TCF3: variants seen among roughly 807,000 people sequenced by gnomAD.
TCF3 encodes the protein transcription factor E2-alpha.
Under a neutral mutation model 72.3 loss-of-function variants are expected in TCF3, and 54 were observed. The observed-to-expected ratio is 0.75, with a 90% CI of 0.60 to 0.94. The LOEUF (loss-of-function observed/expected upper bound fraction) is 0.94. Among genes scored for constraint, TCF3 ranks in the 40% least tolerant of loss-of-function variants. TCF3 has a pLI of 0.00. For synonymous variants in TCF3, 525 were observed against 412.6 expected (o/e 1.27, Z -3.30); for missense variants, 1,078 against 934.4 (o/e 1.15, Z -2.00).
At chr19:1,631,000 C>A (rs1475211769) in intron 5 of TCF3, among the ~76,000 whole-genome samples, 2 of 152,260 alleles carry the variant, frequency 1.3e-5, no homozygotes, top group Non-Finnish European at 2.9e-5. Context: ...CAGCCGCAGA[C>A]CCCCGGCCAG....
chr19:1,630,037 G>A (rs906096265), intron 5 of TCF3, among the ~76,000 whole-genome samples: 3 of 152,150 alleles, frequency 2.0e-5, no homozygotes, highest in Admixed American at 6.5e-5. Context: ...CGGGACCCCC[G>A]CCTGCCCTCT....
intron 5 of TCF3, among the ~76,000 whole-genome samples, chr19:1,629,657 C>A (rs1178417536): frequency 2.0e-5 from 3 of 152,314 alleles, no homozygotes; most frequent in African/African-American, 7.2e-5. Flanking sequence ...GAAGCAGGCA[C>A]CCCGATTACT....
chr19:1,619,793 C>A lies in TCF3; in HGVS notation c.1154G>T (p.Gly385Val), dbSNP rs117006898. 5 of 1,557,942 alleles carry A rather than the reference C, an allele frequency of 3.2e-6. No individual in the cohort carries two copies. The highest frequency in any genetic ancestry group is 4.3e-6 in the Non-Finnish European group (5 of 1,151,806). ...GCAGGCACTCACCAGGCCGTGGAGA[C>A]CCCCGTCGTAGCTGGGCGATAAGGC... ...PGALSPSYDG[G>V]LHGLQSKIED... The change falls in exon 14 of 19, where the codon GGT (glycine) becomes GTT (valine). Residue 385 changes from glycine to valine, a missense_variant. By Grantham distance (109) the Gly-to-Val change is moderately radical. Transcript: ENST00000262965.
At chr19:1,643,147 C>T (rs1437258148) in intron 3 of TCF3, among the ~76,000 whole-genome samples, 1 of 152,146 alleles carries the variant, frequency 6.6e-6, no homozygotes, top group African/African-American at 2.4e-5. Context: ...GAAAATTATT[C>T]CCGTTTTAAA....
At chr19:1,625,843 G>GAGAAACACC in intron 6 of TCF3, 135 bp from the exon 7 acceptor site, 1 of 1,146,084 alleles carries the variant, frequency 8.7e-7, no homozygotes, top group Non-Finnish European at 1.2e-6. Context: ...TGCCTGTCAC[G>GAGAAACACC]GTGTTTCTCT....
chr19:1,629,044 T>G (rs1281944032), intron 5 of TCF3, among the ~76,000 whole-genome samples: 16 of 21,032 alleles, frequency 7.6e-4, no homozygotes, highest in South Asian at 1.9e-3. Flanking sequence ...GCTCACGGGG[T>G]GAGGCGGGAA....
At chr19:1,620,013 G>A (rs1365573488) in intron 13 of TCF3, among the ~76,000 whole-genome samples, 160 bp from the exon 14 acceptor site, 1 of 152,140 alleles carries the variant, frequency 6.6e-6, no homozygotes, top group Admixed American at 6.5e-5. Context: ...AAGCTGCTCG[G>A]CCCCGCCAGG....
intron 14 of TCF3, 54 bp from the exon 15 acceptor site, chr19:1,619,528 C>T (rs989755311): frequency 2.0e-6 from 3 of 1,534,244 alleles, no homozygotes; most frequent in African/African-American, 2.7e-5. Context: ...ACCCCACAGG[C>T]CTCCATTCAT....
At position 1,610,358 on chromosome 19, in the gene TCF3, G is replaced by A. The variant is rs1278844742; in HGVS notation, c.*1349C>T. On this transcript the variant is annotated 3_prime_UTR_variant, in exon 19 of 19. Coordinates refer to ENST00000262965, the MANE Select transcript of TCF3 (RefSeq NM_003200.5). ...GGGATGCTCCCCAGCATTGGGGGAG[G>A]CTGGCCAGGCCCCTGGCATCCTGTC... 8.6e-6 allele frequency: 2 copies of A among 231,522 alleles called. No homozygotes were observed. The highest frequency in any genetic ancestry group is 6.1e-5 in the East Asian group (1 of 16,364). The allele number at this position is 231,522 out of a possible 1,614,324, so 14.3% of individuals were successfully genotyped here.
intron 3 of TCF3, among the ~76,000 whole-genome samples, chr19:1,645,895 G>A (rs1400333788): frequency 6.6e-6 from 1 of 152,148 alleles, no homozygotes; most frequent in East Asian, 1.9e-4. Flanking sequence ...CCTGCATACA[G>A]CAAGCGCCTA....
At chr19:1,621,640 G>C (rs532177001) in intron 11 of TCF3, among the ~76,000 whole-genome samples, 198 bp downstream of exon 11, 2 of 152,316 alleles carry the variant, frequency 1.3e-5, no homozygotes, top group African/African-American at 4.8e-5. Context: ...GCTCCTCAAA[G>C]ATCTGTTTCC....
chr19:1,646,222 C>T lies in TCF3; in HGVS notation c.145+133G>A, dbSNP rs2302419. Reference sequence around the variant, plus strand: ...CAGGGGTCTTCAGGCTCGCTGCCCCCGACCCGGCCTGTGTGGCCCTTTCCC... The same window carrying T: ...CAGGGGTCTTCAGGCTCGCTGCCCCTGACCCGGCCTGTGTGGCCCTTTCCC... On this transcript the variant is annotated intron_variant, in intron 3 of 18. Transcript: ENST00000262965. The T allele has an allele frequency of 0.2, 192,389 of 984,708 alleles. 22,251 individuals are homozygous for T. Among genetic ancestry groups the T allele is most frequent in the East Asian group, 0.46 (16,121 of 34,880 alleles). 61.0% of individuals were successfully genotyped at this position (984,708 alleles called of 1,614,324 possible).
At chr19:1,645,246 A>C (rs2065911266) in intron 3 of TCF3, among the ~76,000 whole-genome samples, 2 of 152,168 alleles carry the variant, frequency 1.3e-5, no homozygotes, top group Admixed American at 1.3e-4. Flanking sequence ...GGCAGGAAGG[A>C]CACAGCTTCA....
intron 11 of TCF3, 121 bp downstream of exon 11, chr19:1,621,717 C>T (rs1599605427): frequency 7.6e-7 from 1 of 1,324,174 alleles, no homozygotes; most frequent in African/African-American, 1.5e-5. Flanking sequence ...TGACAACAAC[C>T]CGCTCTCAGG....
chr19:1,642,312 G>A lies in TCF3; in HGVS notation c.145+4043C>T, dbSNP rs539102184. Among the ~76,000 whole-genome samples, 13 of 151,524 alleles carry A rather than the reference G, an allele frequency of 8.6e-5. No homozygotes were observed. In the South Asian group the frequency reaches 1.9e-3, roughly 22 times the overall value. On this transcript the variant is annotated intron_variant, in intron 3 of 18. Transcript: ENST00000262965. ...CACACGCACAGACACACACCCGCAC[G>A]CACACACAGACACACACACGTGCGT...
intron 3 of TCF3, among the ~76,000 whole-genome samples, chr19:1,644,108 GGA>G (rs1236775757): frequency 6.6e-6 from 1 of 152,242 alleles, no homozygotes; most frequent in Non-Finnish European, 1.5e-5. Context: ...CTGGGTCCTC[GGA>G]GAGGAGAAGC....
At chr19:1,637,441 T>A (rs1037537319) in intron 3 of TCF3, among the ~76,000 whole-genome samples, 2 of 151,672 alleles carry the variant, frequency 1.3e-5, no homozygotes, top group African/African-American at 4.8e-5. Flanking sequence ...GCCCCGAGAG[T>A]GGGCATCGAG....
intron 6 of TCF3, among the ~76,000 whole-genome samples, chr19:1,626,234 T>C (rs910043771): frequency 1.3e-5 from 2 of 152,076 alleles, no homozygotes; most frequent in Non-Finnish European, 2.9e-5. Flanking sequence ...GCGGATCACC[T>C]GAGGTCGGGA....
At chr19:1,619,667 A>G in intron 14 of TCF3, 113 bp downstream of exon 14, 2 of 1,286,662 alleles carry the variant, frequency 1.6e-6, no homozygotes, top group Admixed American at 4.4e-5. Flanking sequence ...GGCCTCAATA[A>G]CAGCTTGGGG....
Sources: gnomAD v4.1 joint callset for allele counts (sites outside exome capture counted in the v4.1 genomes callset) on GRCh38, gnomAD v4.1.1 for gene constraint, MANE v1.5 for transcripts, NCBI Gene and HGNC (gene_info 2026-07-23, HGNC 2026-07-21) for gene names.